MYO16: variants seen among roughly 807,000 people sequenced by gnomAD.
MYO16 encodes myosin XVI.
MYO16 carries 94 observed loss-of-function variants against 205.3 expected under a neutral mutation model. That is an observed-to-expected ratio of 0.46 (90% CI 0.39 to 0.54). The LOEUF is 0.54. Ranked by LOEUF, MYO16 falls within the 20% of genes least tolerant of loss-of-function variation. MYO16 has a pLI of 0.00. For synonymous variants in MYO16, 988 were observed against 954.0 expected (o/e 1.04, Z -0.66); for missense variants, 2,315 against 2,387.5 (o/e 0.97, Z 0.63).
chr13:108,636,346 CTTT>C (rs71125326), intron 1 of MYO16, among the ~76,000 whole-genome samples: 3,140 of 80,800 alleles, frequency 0.039, 78 homozygotes, highest in East Asian at 0.079. Context: ...AAATATTTCC[CTTT>C]TTTTTTTTTT....
At chr13:108,806,640 C>T in intron 6 of MYO16, 39 bp from the exon 7 acceptor site, 1 of 1,597,028 alleles carries the variant, frequency 6.3e-7, no homozygotes, top group Non-Finnish European at 8.6e-7. Context: ...AATATCACTA[C>T]TTTAAAAAAA....
intron 27 of MYO16, among the ~76,000 whole-genome samples, chr13:109,075,757 C>T (rs1457402804): frequency 1.3e-5 from 2 of 152,140 alleles, no homozygotes; most frequent in East Asian, 1.9e-4. Flanking sequence ...TAAATAGTAT[C>T]ATGTTGATTG....
At chr13:108,901,260 C>T (rs1320662135) in intron 15 of MYO16, among the ~76,000 whole-genome samples, 2 of 152,086 alleles carry the variant, frequency 1.3e-5, no homozygotes, top group African/African-American at 2.4e-5. Flanking sequence ...TTCTGTGACC[C>T]ACACCCTATT....
chr13:108,893,005 C>G (rs929713038), intron 14 of MYO16, among the ~76,000 whole-genome samples: 9 of 152,138 alleles, frequency 5.9e-5, no homozygotes, highest in African/African-American at 2.2e-4. Context: ...TTATTCACTC[C>G]TCATGACACA....
the MYO16 span, among the ~76,000 whole-genome samples, chr13:108,581,066 C>G: frequency 6.6e-6 from 1 of 152,022 alleles, no homozygotes; most frequent in Non-Finnish European, 1.5e-5. Context: ...ACATTAACTT[C>G]AAATACATTG....
At chr13:108,642,277 G>A (rs1181720011) in intron 1 of MYO16, among the ~76,000 whole-genome samples, 9 of 152,254 alleles carry the variant, frequency 5.9e-5, no homozygotes, top group South Asian at 2.1e-4. Flanking sequence ...GACTGTGGAC[G>A]TGAAAGGACG....
chr13:108,809,194 A>G (rs751924991), intron 7 of MYO16, among the ~76,000 whole-genome samples: 1 of 152,202 alleles, frequency 6.6e-6, no homozygotes, highest in Non-Finnish European at 1.5e-5. Flanking sequence ...TTTATTCGTG[A>G]TAAGTCAGTT....
chr13:108,953,682 G>A (rs1415712560), intron 16 of MYO16, among the ~76,000 whole-genome samples: 3 of 150,740 alleles, frequency 2.0e-5, no homozygotes, highest in South Asian at 2.1e-4. Flanking sequence ...GTGAGATTTC[G>A]TGATGGAGTG....
At chr13:108,850,828 C>G (rs1333359643) in intron 10 of MYO16, among the ~76,000 whole-genome samples, 1 of 152,142 alleles carries the variant, frequency 6.6e-6, no homozygotes, top group East Asian at 1.9e-4. Context: ...CACTGTGTAA[C>G]TATAAACAGG....
chr13:108,848,548 G>T, intron 10 of MYO16, among the ~76,000 whole-genome samples: 1 of 152,268 alleles, frequency 6.6e-6, no homozygotes, highest in African/African-American at 2.4e-5. Flanking sequence ...TTACTCCAAT[G>T]ATCCCAGCAC....
chr13:109,139,485 C>T (rs768177082), intron 31 of MYO16, among the ~76,000 whole-genome samples: 16 of 152,294 alleles, frequency 1.1e-4, no homozygotes, highest in South Asian at 4.1e-4. Flanking sequence ...ACCGCACCTC[C>T]GCAGCCTCCA....
At chr13:108,912,147 C>A (rs916760925) in intron 16 of MYO16, among the ~76,000 whole-genome samples, 1 of 152,126 alleles carries the variant, frequency 6.6e-6, no homozygotes, top group Non-Finnish European at 1.5e-5. Flanking sequence ...AATTACAGGA[C>A]AACCTCTGTC....
the MYO16 span, among the ~76,000 whole-genome samples, chr13:108,577,242 T>C: frequency 6.6e-6 from 1 of 152,178 alleles, no homozygotes; most frequent in Non-Finnish European, 1.5e-5. Context: ...AACCTGTCCT[T>C]GGAGTGTGCC....
At chr13:108,767,587 CA>C (rs1260241047) in intron 4 of MYO16, among the ~76,000 whole-genome samples, 2 of 152,024 alleles carry the variant, frequency 1.3e-5, no homozygotes, top group Non-Finnish European at 2.9e-5. Flanking sequence ...ATACCATTTG[CA>C]AGCATTTCTT....
the MYO16 span, among the ~76,000 whole-genome samples, chr13:108,580,192 C>A: frequency 6.6e-6 from 1 of 152,190 alleles, no homozygotes; most frequent in African/African-American, 2.4e-5. Flanking sequence ...TGCTATACTG[C>A]ATCCCTGGAT....
At chr13:108,549,643 C>T in the MYO16 span, among the ~76,000 whole-genome samples, 3 of 151,970 alleles carry the variant, frequency 2.0e-5, no homozygotes, top group Non-Finnish European at 2.9e-5. Flanking sequence ...GTGTGAAAGT[C>T]AATCCTTTGG....
intron 27 of MYO16, among the ~76,000 whole-genome samples, chr13:109,057,184 C>G (rs896630747): frequency 6.6e-6 from 1 of 152,000 alleles, no homozygotes; most frequent in Non-Finnish European, 1.5e-5. Context: ...GGAAATAAGC[C>G]GCATTTACTT....
chr13:108,832,182 G>T (rs1034639361), intron 9 of MYO16, among the ~76,000 whole-genome samples: 1 of 130,356 alleles, frequency 7.7e-6, no homozygotes, highest in Non-Finnish European at 1.6e-5. Context: ...TCGCTCTATC[G>T]CCCAGGCTGG....
intron 29 of MYO16, among the ~76,000 whole-genome samples, chr13:109,122,570 C>T (rs1876041467): frequency 1.3e-5 from 2 of 151,476 alleles, no homozygotes; most frequent in African/African-American, 2.4e-5. Context: ...CCCAGCTACT[C>T]GGGAGGCTAA....
Sources: gnomAD v4.1 joint callset for allele counts (sites outside exome capture counted in the v4.1 genomes callset) on GRCh38, gnomAD v4.1.1 for gene constraint, MANE v1.5 for transcripts, NCBI Gene and HGNC (gene_info 2026-07-23, HGNC 2026-07-21) for gene names.